Variants in TDRD10 observed in about 807,000 individuals in gnomAD.
TDRD10 encodes tudor domain containing 10.
TDRD10 carries 40 observed loss-of-function variants against 48.0 expected under a neutral mutation model. That is an observed-to-expected ratio of 0.83 (90% CI 0.65 to 1.09). The LOEUF (loss-of-function observed/expected upper bound fraction) is 1.09, where lower values mean the gene tolerates loss of function less well. Among genes scored for constraint, TDRD10 ranks in the 50% least tolerant of loss-of-function variants. The pLI is 0.00. For missense variants in TDRD10, 378 were observed against 434.7 expected (o/e 0.87, Z 1.16); for synonymous variants, 162 against 170.4 (o/e 0.95, Z 0.38).
At chr1:154,529,927 AG>A (rs1454192378) in intron 6 of TDRD10, among the ~76,000 whole-genome samples, 1 of 152,224 alleles carries the variant, frequency 6.6e-6, no homozygotes, top group Admixed American at 6.5e-5. Context: ...CTGTTCTCTT[AG>A]GGTAGGTCTG....
rs894097630 is a variant in TDRD10, at chr1:154,544,466, C to G, written c.746C>G (p.Thr249Ser). The change falls in exon 10 of 13, where the codon ACT (threonine) becomes AGT (serine). Residue 249 changes from threonine (T) to serine (S), a missense_variant. Around this residue, in one of 2 missense-constraint regions of TDRD10, gnomAD observed 310 missense variants for 323.6 expected, o/e 0.96. Transcript: ENST00000368482. ...YLEGSTVMRG[T>S]RCLAEYHLGD... The stretch of plus-strand genomic sequence containing the variant: ...GAGGGCTCCACCGTTATGCGCGGGA[C>G]TCGCTGTCTGGCAGAGTACCACCTG... The G allele has an allele frequency of 6.2e-6, 10 of 1,613,348 alleles. No individual in the cohort carries two copies. Among genetic ancestry groups the G allele is most frequent in the Admixed American group, 1.7e-5 (1 of 59,942 alleles).
chr1:154,522,874 T>C (rs1457538687), intron 6 of TDRD10, among the ~76,000 whole-genome samples: 2 of 152,172 alleles, frequency 1.3e-5, no homozygotes, highest in Non-Finnish European at 2.9e-5. Context: ...AGCATCCATG[T>C]GGATGATTCG....
Position 154,548,013 on chromosome 1 carries a change from C to T in TDRD10, c.*303C>T. 1 of 491,964 alleles carries T rather than the reference C, an allele frequency of 2.0e-6. No individual in the cohort carries two copies. The highest frequency in any genetic ancestry group is 3.6e-6 in the Non-Finnish European group (1 of 276,030). The allele number at this position is 491,964 out of a possible 1,614,324, so 30.5% of individuals were successfully genotyped here. A position where few individuals can be genotyped will look rare whatever the true frequency, so the allele number is the denominator to read the frequency against. Reference sequence around the variant, plus strand: ...TCTTTCTTGTGTCTCTTCTTTGCACCCCAGAGCATGATATAAGTGGTCCTA... The same window carrying T: ...TCTTTCTTGTGTCTCTTCTTTGCACTCCAGAGCATGATATAAGTGGTCCTA... On this transcript the variant is annotated 3_prime_UTR_variant, in exon 13 of 13. Coordinates refer to ENST00000368482, the MANE Select transcript of TDRD10 (RefSeq NM_182499.4).
At chr1:154,525,260 T>A (rs1172177794) in intron 6 of TDRD10, among the ~76,000 whole-genome samples, 1 of 152,150 alleles carries the variant, frequency 6.6e-6, no homozygotes, top group Non-Finnish European at 1.5e-5. Context: ...GCTCTCACCT[T>A]TTTTTCTCTT....
intron 3 of TDRD10, 34 bp from the exon 4 acceptor site, chr1:154,508,389 T>A (rs2149312014): frequency 6.8e-7 from 1 of 1,462,966 alleles, no homozygotes; most frequent in East Asian, 2.3e-5. Context: ...TAACCGTATG[T>A]ATGCCTGCCA....
intron 6 of TDRD10, among the ~76,000 whole-genome samples, chr1:154,530,979 C>G (rs905903485): frequency 4.6e-5 from 7 of 151,458 alleles, no homozygotes; most frequent in African/African-American, 1.7e-4. Flanking sequence ...GCTGGGATTA[C>G]AGGGACCTGC....
rs554457999 is a variant in TDRD10 at position 154,539,710 on chromosome 1, A to T, written c.370-2314A>T. Among the ~76,000 whole-genome samples, 5 of 152,342 alleles carry T rather than the reference A, an allele frequency of 3.3e-5. No individual in the cohort carries two copies. In the South Asian group the frequency reaches 1.0e-3, roughly 32 times the overall value. ...CCTAGGCCCTGGTGTTACCTCCACGATCAAGGTAATTGTTGAAAGACACTT... is the reference window on the plus strand; with the variant it reads ...CCTAGGCCCTGGTGTTACCTCCACGTTCAAGGTAATTGTTGAAAGACACTT... On this transcript the variant is annotated intron_variant, in intron 6 of 12. Coordinates refer to ENST00000368482, the MANE Select transcript of TDRD10 (RefSeq NM_182499.4).
At chr1:154,522,036 A>G (rs1275854265) in intron 6 of TDRD10, among the ~76,000 whole-genome samples, 3 of 152,226 alleles carry the variant, frequency 2.0e-5, no homozygotes, top group African/African-American at 4.8e-5. Context: ...ACCAGGAGAA[A>G]AAGATCCCAT....
rs116533679 is a variant in TDRD10 at position 154,502,525 on chromosome 1, A to G, written c.-532A>G. ...AGCTGGGGGCGGCGGGGTGAGCGCC[A>G]TGGCAGAGGCGGGTCGGGCTGCGAG... On this transcript the variant is annotated 5_prime_UTR_variant, in exon 1 of 13. It removes an upstream start codon present in the reference 5' UTR. Transcript: ENST00000368482. 3,198 of 152,240 alleles carry G rather than the reference A, an allele frequency of 0.021. 120 individuals carry two copies. The highest frequency in any genetic ancestry group is 0.074 in the African/African-American group (3,091 of 41,514). 9.4% of individuals were successfully genotyped at this position (152,240 alleles called of 1,614,324 possible). A position where few individuals can be genotyped will look rare whatever the true frequency, so the allele number is the denominator to read the frequency against.
intron 6 of TDRD10, among the ~76,000 whole-genome samples, chr1:154,530,657 G>A (rs771441283): frequency 3.3e-5 from 5 of 151,818 alleles, no homozygotes; most frequent in Non-Finnish European, 7.4e-5. Flanking sequence ...ATTGTGATAT[G>A]TCTTGGCATT....
intron 4 of TDRD10, among the ~76,000 whole-genome samples, chr1:154,517,532 C>T (rs1693841320): frequency 6.6e-6 from 1 of 151,506 alleles, no homozygotes; most frequent in East Asian, 1.9e-4. Context: ...AAGGGATTCT[C>T]CTGCCTCAGC....
rs550879706 is a variant in TDRD10, at chr1:154,529,086, G to GT, written c.369+7617dup. Among the ~76,000 whole-genome samples the GT allele has an allele frequency of 7.5e-3, 1,109 of 148,464 alleles. 9 individuals are homozygous for GT. The highest frequency in any genetic ancestry group is 0.012 in the Non-Finnish European group (808 of 66,900). ...CCAAGTTGGAAAGAATTATAATGTTGTTTTTTTTTTGAGACGGAGTTTTGC... is the reference window on the plus strand; with the variant it reads ...CCAAGTTGGAAAGAATTATAATGTTGTTTTTTTTTTTGAGACGGAGTTTTGC... On this transcript the variant is annotated intron_variant, in intron 6 of 12. Transcript: ENST00000368482.
intron 6 of TDRD10, among the ~76,000 whole-genome samples, chr1:154,537,530 C>T (rs1165553490): frequency 1.3e-5 from 2 of 152,168 alleles, no homozygotes; most frequent in African/African-American, 2.4e-5. Flanking sequence ...TGCAGTTCCC[C>T]AGGTTGGTGG....
At chr1:154,540,898 A>G (rs1009079520) in intron 6 of TDRD10, among the ~76,000 whole-genome samples, 7 of 152,226 alleles carry the variant, frequency 4.6e-5, no homozygotes, top group African/African-American at 1.7e-4. Context: ...GCGTTTCTGC[A>G]AAGAGGGAGC....
chr1:154,528,599 G>A (rs536347864), intron 6 of TDRD10, among the ~76,000 whole-genome samples: 93 of 152,230 alleles, frequency 6.1e-4, no homozygotes, highest in African/African-American at 2.2e-3. Context: ...CCAGCACTTT[G>A]GGAGGCTGAG....
At chr1:154,542,108 G>C in intron 7 of TDRD10, 42 bp downstream of exon 7, 1 of 1,610,904 alleles carries the variant, frequency 6.2e-7, no homozygotes, top group South Asian at 1.1e-5. Flanking sequence ...ATGTGGCTTT[G>C]CAGCTCCTAA....
chr1:154,518,377 C>T (rs769103719), intron 4 of TDRD10, among the ~76,000 whole-genome samples: 2 of 152,086 alleles, frequency 1.3e-5, no homozygotes, highest in Non-Finnish European at 2.9e-5. Context: ...GAGATATGCA[C>T]GAGGCAATTT....
At chr1:154,543,442 A>G (rs1341792235) in intron 8 of TDRD10, among the ~76,000 whole-genome samples, 1 of 152,056 alleles carries the variant, frequency 6.6e-6, no homozygotes, top group African/African-American at 2.4e-5. Context: ...GTGCCAGAAT[A>G]CTCAGTTTGA....
At chr1:154,541,926 G>A (rs1695256978) in intron 6 of TDRD10, 98 bp from the exon 7 acceptor site, 6 of 1,231,120 alleles carry the variant, frequency 4.9e-6, no homozygotes, top group Admixed American at 4.0e-5. Flanking sequence ...AGGGGCTGCC[G>A]ATGCTCTGTC....
Sources: allele counts gnomAD v4.1 joint callset (sites outside exome capture counted in the v4.1 genomes callset), GRCh38; gene constraint gnomAD v4.1.1; regional missense constraint gnomAD v4.1.1; transcripts MANE v1.5; gene names NCBI Gene and HGNC (gene_info 2026-07-23, HGNC 2026-07-21).